Variants in ZNF593 observed in about 807,000 individuals in gnomAD.
ZNF593 encodes zinc finger protein 593, also known as BUD20 homolog.
Under a neutral mutation model 12.9 loss-of-function variants are expected in ZNF593, and 18 were observed. The ratio of observed to expected loss-of-function variants is 1.40; its 90% CI spans 0.96 to 2.07. The LOEUF (loss-of-function observed/expected upper bound fraction) is 2.07. Among genes scored for constraint, ZNF593 ranks in the 30% most tolerant of loss-of-function variants. ZNF593 has a pLI of 0.00. For synonymous variants in ZNF593, 79 were observed against 79.9 expected (o/e 0.99, Z 0.06); for missense variants, 198 against 186.7 (o/e 1.06, Z -0.35).
rs137855017 is a variant in ZNF593 at position 26,170,603 on chromosome 1, A to T, written c.292A>T (p.Ser98Cys). 1.2e-6 allele frequency: 2 copies of T among 1,613,724 alleles called. No individual in the cohort carries two copies. Among genetic ancestry groups the T allele is most frequent in the South Asian group, 1.1e-5 (1 of 91,084 alleles). ...RLKQLSVEPY[S>C]QEEAERAAGM... ...GAAGCAGCTGAGCGTCGAGCCCTAC[A>T]GTCAGGAAGAGGCGGAGAGGGCAGC... Residue 98 changes from serine (S) to cysteine (C), a missense_variant, in exon 3 of 3, where the codon AGT becomes TGT. By Grantham distance (112) the Ser-to-Cys change is moderately radical (BLOSUM62 -1). Transcript: ENST00000374266.
rs2232650 is a variant in ZNF593, at chr1:26,170,082, C to G, written c.99C>G (p.Arg33=). ...GGCCGGACTTGGATGAGATTCACCG[C>G]GAGCTGCGGCCTCAGGGATCCGCAC... is the stretch of plus-strand genomic sequence containing the variant. ...RRRPDLDEIH[R]ELRPQGSARP... is the part of the protein sequence containing the mutation. Residue 33 remains arginine (R), a synonymous_variant, in exon 1 of 3, where the codon CGC becomes CGG. Transcript: ENST00000374266. The G allele has an allele frequency of 1.7e-5, 26 of 1,572,470 alleles. No individual in the cohort carries two copies. The African/African-American group carries it at 3.5e-4, about 21-fold the overall frequency.
rs780105407 is a variant in ZNF593, at chr1:26,170,747, G to A, written c.*31G>A. On this transcript the variant is annotated 3_prime_UTR_variant, in exon 3 of 3. Transcript: ENST00000374266. The stretch of plus-strand genomic sequence containing the variant: ...CCTGAAGATGCAGGGCAGAGGAATT[G>A]CCCATGGACAGTGACGCAAGGACTA... 10 of 1,590,228 alleles carry A rather than the reference G, an allele frequency of 6.3e-6. No homozygotes were observed. In the Admixed American group the frequency reaches 1.7e-4, roughly 27 times the overall value.
chr1:26,170,103 C>A lies in ZNF593; in HGVS notation c.120C>A (p.Ser40=). 1 of 1,570,304 alleles carries A rather than the reference C, an allele frequency of 6.4e-7. No individual in the cohort carries two copies. Among genetic ancestry groups the A allele is most frequent in the Non-Finnish European group, 8.6e-7 (1 of 1,160,186 alleles). The change falls in exon 1 of 3, where the codon TCC becomes TCA. Residue 40 remains serine, a synonymous_variant. Transcript: ENST00000374266. ...ACCGCGAGCTGCGGCCTCAGGGATC[C>A]GCACGACCCCAGCCCGACCCAAACG... ...EIHRELRPQG[S]ARPQPDPNAE... is the part of the protein sequence containing the mutation.
rs376306688 is a variant in ZNF593 at position 26,170,001 on chromosome 1, G to A, written c.18G>A (p.Arg6=). Reference sequence around the variant, plus strand: ...TTCTGGCCATGGGTCGCTCCCGCCGGACAGGCGCGCACCGAGCGCACTCTC... The same window carrying A: ...TTCTGGCCATGGGTCGCTCCCGCCGAACAGGCGCGCACCGAGCGCACTCTC... The part of the protein sequence containing the change: MGRSR[R]TGAHRAHSLA... Residue 6 remains arginine, a synonymous_variant, in exon 1 of 3, where the codon CGG becomes CGA. Transcript: ENST00000374266. The A allele has an allele frequency of 1.9e-6, 3 of 1,552,250 alleles. No individual in the cohort carries two copies. Among genetic ancestry groups the A allele is most frequent in the South Asian group, 1.2e-5 (1 of 84,736 alleles).
At chr1:26,170,372 G>A (rs2088477512) in intron 1 of ZNF593, 46 bp from the exon 2 acceptor site, 2 of 1,589,578 alleles carry the variant, frequency 1.3e-6, no homozygotes, top group African/African-American at 2.7e-5. Context: ...GGTGCACTTG[G>A]GAGACTATCA....
Position 26,170,733 on chromosome 1 carries a change from A to C in ZNF593, c.*17A>C. On this transcript the variant is annotated 3_prime_UTR_variant, in exon 3 of 3. Coordinates refer to ENST00000374266, the MANE Select transcript of ZNF593 (RefSeq NM_015871.5). ...TCTACCTGACATGGCCTGAAGATGC[A>C]GGGCAGAGGAATTGCCCATGGACAG... 1 of 1,597,826 alleles carries C rather than the reference A, an allele frequency of 6.3e-7. No homozygotes were observed. The highest frequency in any genetic ancestry group is 8.5e-7 in the Non-Finnish European group (1 of 1,177,524).
At position 26,170,131 on chromosome 1, in the gene ZNF593, G is replaced by A. The variant is rs776356418; in HGVS notation, c.148G>A (p.Glu50Lys). The A allele has an allele frequency of 2.0e-5, 32 of 1,571,924 alleles. No homozygotes were observed. Among genetic ancestry groups the A allele is most frequent in the African/African-American group, 4.1e-5 (3 of 73,880 alleles). ...ACGACCCCAGCCCGACCCAAACGCC[G>A]AGTTCGACCCCGACCTGCCAGGGGG... ...SARPQPDPNA[E>K]FDPDLPGGGL... is the part of the protein sequence containing the mutation. The change falls in exon 1 of 3, where the codon GAG (glutamate) becomes AAG (lysine). Residue 50 changes from glutamate (E) to lysine (K), a missense_variant. By Grantham distance (56) the Glu-to-Lys change is moderately conservative. Transcript: ENST00000374266.
At position 26,170,842 on chromosome 1, in the gene ZNF593, C is replaced by CTG. The variant is rs2088489112; in HGVS notation, c.*127_*128dup. ...GAGCGGAGGGCCTCTTCTTGGTGCC[C>CTG]TGCCCCAAATAAAGGAACTGGACAA... On this transcript the variant is annotated 3_prime_UTR_variant, in exon 3 of 3. Coordinates refer to ENST00000374266, the MANE Select transcript of ZNF593 (RefSeq NM_015871.5). The CTG allele has an allele frequency of 8.0e-7, 1 of 1,256,580 alleles. No homozygotes were observed. Among genetic ancestry groups the CTG allele is most frequent in the Non-Finnish European group, 1.1e-6 (1 of 926,436 alleles). The allele number at this position is 1,256,580 out of a possible 1,614,324, so 77.8% of individuals were successfully genotyped here.
Position 26,170,771 on chromosome 1 carries a change from T to C in ZNF593, c.*55T>C. On this transcript the variant is annotated 3_prime_UTR_variant, in exon 3 of 3. Transcript: ENST00000374266. ...TGCCCATGGACAGTGACGCAAGGACTAGGCTGGGAGGGAGCGTGCCAACCC... is the reference window on the plus strand; with the variant it reads ...TGCCCATGGACAGTGACGCAAGGACCAGGCTGGGAGGGAGCGTGCCAACCC... 6.4e-7 allele frequency: 1 copy of C among 1,571,444 alleles called. No homozygotes were observed. Among genetic ancestry groups the C allele is most frequent in the South Asian group, 1.1e-5 (1 of 87,408 alleles).
rs1237057560 is a variant in ZNF593, at chr1:26,170,650, C to A, written c.339C>A (p.Pro113=). 1 of 1,612,492 alleles carries A rather than the reference C, an allele frequency of 6.2e-7. No individual in the cohort carries two copies. The highest frequency in any genetic ancestry group is 8.5e-7 in the Non-Finnish European group (1 of 1,180,034). The change falls in exon 3 of 3, where the codon CCC becomes CCA. Residue 113 remains proline, a synonymous_variant. Coordinates refer to ENST00000374266, the MANE Select transcript of ZNF593 (RefSeq NM_015871.5). ...CAGCGGGTATGGGATCCTATGTGCC[C>A]CCCAGGCGGCTGGCAGTGCCCACGG... ...ERAAGMGSYV[P]PRRLAVPTEV...
At position 26,170,018 on chromosome 1, in the gene ZNF593, C is replaced by G. The variant is rs1423069393; in HGVS notation, c.35C>G (p.Ala12Gly). 1 of 1,564,056 alleles carries G rather than the reference C, an allele frequency of 6.4e-7. No individual in the cohort carries two copies. Among genetic ancestry groups the G allele is most frequent in the Non-Finnish European group, 8.6e-7 (1 of 1,158,456 alleles). ...GRSRRTGAHR[A>G]HSLARQMKAK... ...TCCCGCCGGACAGGCGCGCACCGAGCGCACTCTCTAGCCCGGCAGATGAAG... is the reference window on the plus strand; with the variant it reads ...TCCCGCCGGACAGGCGCGCACCGAGGGCACTCTCTAGCCCGGCAGATGAAG... Residue 12 changes from alanine to glycine, a missense_variant, in exon 1 of 3, where the codon GCG becomes GGG. By Grantham distance (60) the Ala-to-Gly change is moderately conservative. Coordinates refer to ENST00000374266, the MANE Select transcript of ZNF593 (RefSeq NM_015871.5).
Position 26,170,171 on chromosome 1 carries a change from GTC to G in ZNF593, c.190_191del (p.Leu64GlyfsTer62). 1 of 1,571,814 alleles carries G rather than the reference GTC, an allele frequency of 6.4e-7. No individual in the cohort carries two copies. The highest frequency in any genetic ancestry group is 8.6e-7 in the Non-Finnish European group (1 of 1,162,108). ...CTGCCAGGGGGCGGTCTGCACCGCT[GTC>G]TGGCCTGCGCGTGAGTCCCGGACGA... On this transcript the variant is annotated frameshift_variant, in exon 1 of 3. Coordinates refer to ENST00000374266, the MANE Select transcript of ZNF593 (RefSeq NM_015871.5). LOFTEE classifies it high-confidence loss of function.
At chr1:26,170,527 A>G (rs1328924093) in intron 2 of ZNF593, 47 bp downstream of exon 2, 1 of 1,614,150 alleles carries the variant, frequency 6.2e-7, no homozygotes, top group Admixed American at 1.7e-5. Context: ...CTCAGCAGAT[A>G]GGGCTCTCAC....
rs756821693 is a variant in ZNF593, at chr1:26,169,961, G to T, written c.-23G>T. The T allele has an allele frequency of 7.2e-6, 11 of 1,525,696 alleles. No individual in the cohort carries two copies. Among genetic ancestry groups the T allele is most frequent in the African/African-American group, 1.4e-5 (1 of 72,800 alleles). The allele number at this position is 1,525,696 out of a possible 1,614,324, so 94.5% of individuals were successfully genotyped here. ...CTCCCTGCCCTGCTCCTGGCCCCTT[G>T]GCCGGCCGGGCTGTTTCTGGCCATG... On this transcript the variant is annotated 5_prime_UTR_variant, in exon 1 of 3. Coordinates refer to ENST00000374266, the MANE Select transcript of ZNF593 (RefSeq NM_015871.5).
rs146136975 is a variant in ZNF593, at chr1:26,170,678, G to C, written c.367G>C (p.Val123Leu). ...PPRRLAVPTE[V>L]STEVPEMDTS... is the part of the protein sequence containing the mutation. ...CAGGCGGCTGGCAGTGCCCACGGAA[G>C]TGTCCACTGAGGTCCCTGAGATGGA... is the stretch of plus-strand genomic sequence containing the variant. The change falls in exon 3 of 3, where the codon GTG (valine) becomes CTG (leucine). Residue 123 changes from valine to leucine, a missense_variant. Val to Leu is a conservative substitution (Grantham distance 32). Coordinates refer to ENST00000374266, the MANE Select transcript of ZNF593 (RefSeq NM_015871.5). 4 of 1,610,444 alleles carry C rather than the reference G, an allele frequency of 2.5e-6. No homozygotes were observed. The South Asian group carries it at 3.3e-5, about 13-fold the overall frequency.
chr1:26,170,848 CA>C lies in ZNF593; in HGVS notation c.*135del, dbSNP rs386352912. The C allele has an allele frequency of 2.8e-5, 33 of 1,195,266 alleles. No individual in the cohort carries two copies. In the African/African-American group the frequency reaches 3.8e-4, roughly 14 times the overall value. 74.0% of individuals were successfully genotyped at this position (1,195,266 alleles called of 1,614,324 possible). ...AGGGCCTCTTCTTGGTGCCCTGCCC[CA>C]AATAAAGGAACTGGACAAAGAGAAC... On this transcript the variant is annotated 3_prime_UTR_variant, in exon 3 of 3. Transcript: ENST00000374266.
chr1:26,170,453 A>G lies in ZNF593; in HGVS notation c.236A>G (p.His79Arg), dbSNP rs1353928692. 1.4e-5 allele frequency: 23 copies of G among 1,614,016 alleles called. No homozygotes were observed. Among genetic ancestry groups the G allele is most frequent in the Non-Finnish European group, 1.9e-5 (23 of 1,180,030 alleles). ...ATCGATTCCACCAACCTGAAGACCC[A>G]CTTCCGATCCAAAGACCACAAGAAA... is the stretch of plus-strand genomic sequence containing the variant. ...YFIDSTNLKTHFRSKDHKKRL... is the reference protein window; with the variant it reads ...YFIDSTNLKTRFRSKDHKKRL... The change falls in exon 2 of 3, where the codon CAC (histidine) becomes CGC (arginine). Residue 79 changes from histidine (H) to arginine (R), a missense_variant. By Grantham distance (29) the His-to-Arg change is conservative. Transcript: ENST00000374266.
In ZNF593 at chr1:26,169,933, GTGCTCCCTGCCC is replaced by G; in HGVS notation, c.-44_-33del. On this transcript the variant is annotated 5_prime_UTR_variant, in exon 1 of 3. Transcript: ENST00000374266. ...GATCGGCCCGGAAGTGCTCACACGT[GTGCTCCCTGCCC>G]TGCTCCTGGCCCCTTGGCCGGCCGG... is the stretch of plus-strand genomic sequence containing the variant. The G allele has an allele frequency of 6.7e-7, 1 of 1,492,326 alleles. No homozygotes were observed. The highest frequency in any genetic ancestry group is 8.9e-7 in the Non-Finnish European group (1 of 1,123,914). The allele number at this position is 1,492,326 out of a possible 1,614,324, so 92.4% of individuals were successfully genotyped here.
chr1:26,170,220 G>A (rs1388641849), intron 1 of ZNF593, 37 bp downstream of exon 1: 1 of 1,581,050 alleles, frequency 6.3e-7, no homozygotes, highest in Non-Finnish European at 8.6e-7. Flanking sequence ...GGCGGAGGAG[G>A]GTCCGCGGTA....
Sources: allele counts gnomAD v4.1 joint callset, GRCh38; gene constraint gnomAD v4.1.1; transcripts MANE v1.5; gene names NCBI Gene and HGNC (gene_info 2026-07-23, HGNC 2026-07-21).